The following MARVELD2 variants were observed in gnomAD, a reference collection of about 807,000 sequenced individuals.
The protein encoded by MARVELD2 is MARVEL domain containing 2.
MARVELD2 carries 49 observed loss-of-function variants against 57.6 expected under a neutral mutation model. The ratio of observed to expected loss-of-function variants is 0.85; its 90% CI spans 0.68 to 1.08. The LOEUF is 1.08. Among genes scored for constraint, MARVELD2 ranks in the 50% least tolerant of loss-of-function variants. The probability of loss-of-function intolerance (pLI) is 0.00; values close to 1 mark genes in which losing one functional copy is unlikely to be tolerated. For missense variants in MARVELD2, 606 were observed against 701.1 expected (o/e 0.86, Z 1.53); for synonymous variants, 238 against 258.8 (o/e 0.92, Z 0.77).
chr5:69,437,541 G>T (rs560988638), intron 5 of MARVELD2, among the ~76,000 whole-genome samples: 1 of 151,512 alleles, frequency 6.6e-6, no homozygotes, highest in Admixed American at 6.6e-5. Context: ...AAAATTAGCC[G>T]AGCATGGTGG....
intron 4 of MARVELD2, 24 bp from the exon 5 acceptor site, chr5:69,432,898 C>A: frequency 6.2e-7 from 1 of 1,613,966 alleles, no homozygotes; most frequent in Non-Finnish European, 8.5e-7. Flanking sequence ...ACAATTATAT[C>A]TTTGGCTTAT....
rs66984523 is a variant in MARVELD2 at position 69,436,402 on chromosome 5, A to AACACACACAC, written c.1503+3351_1503+3360dup. 5.0e-3 allele frequency among the ~76,000 whole-genome samples: 616 copies of AACACACACAC among 123,846 alleles called. 2 individuals carry two copies. Among genetic ancestry groups the AACACACACAC allele is most frequent in the Admixed American group, 0.011 (121 of 11,330 alleles). 81.2% of individuals were successfully genotyped at this position (123,846 alleles called of 152,430 possible). ...ACTAAATGTCAAATTTATGTATGGG[A>AACACACACAC]ACACACACACACACACACACACACA... On this transcript the variant is annotated intron_variant, in intron 5 of 6. Coordinates refer to ENST00000325631, the MANE Select transcript of MARVELD2 (RefSeq NM_001038603.3).
At chr5:69,422,334 CT>C (rs950806628) in intron 2 of MARVELD2, among the ~76,000 whole-genome samples, 2 of 152,162 alleles carry the variant, frequency 1.3e-5, no homozygotes, top group African/African-American at 4.8e-5. Flanking sequence ...AGAAATATCG[CT>C]GAATTCTTTT....
rs536740790 is a variant in MARVELD2, at chr5:69,444,291, C to A, written c.*2637C>A. On this transcript the variant is annotated 3_prime_UTR_variant, in exon 7 of 7. Transcript: ENST00000325631. ...GTGCATGTTCTTGAAAATATTTTCA[C>A]TTGTCAGAAAATAAACTGGAAAGTC... 7.2e-5 allele frequency: 11 copies of A among 152,054 alleles called. No homozygotes were observed. The highest frequency in any genetic ancestry group is 1.3e-4 in the Non-Finnish European group (9 of 67,998). The allele number at this position is 152,054 out of a possible 1,614,324, so 9.4% of individuals were successfully genotyped here. A position where few individuals can be genotyped will look rare whatever the true frequency, so the allele number is the denominator to read the frequency against.
chr5:69,437,671 G>A (rs1211595124), intron 5 of MARVELD2, among the ~76,000 whole-genome samples: 3 of 151,570 alleles, frequency 2.0e-5, no homozygotes, highest in Middle Eastern at 6.8e-3. Flanking sequence ...GTGACAGAGT[G>A]AGACTCTGTC....
At chr5:69,436,203 A>T (rs1234981676) in intron 5 of MARVELD2, among the ~76,000 whole-genome samples, 1 of 152,088 alleles carries the variant, frequency 6.6e-6, no homozygotes, top group Non-Finnish European at 1.5e-5. Flanking sequence ...CTTTGTAAAA[A>T]CTAAATGTCG....
intron 3 of MARVELD2, among the ~76,000 whole-genome samples, chr5:69,430,404 C>T (rs902586944): frequency 6.6e-6 from 1 of 151,976 alleles, no homozygotes. Flanking sequence ...TTTGTAGAGA[C>T]AGCATCTCCC....
rs1767350695 is a variant in MARVELD2 at position 69,442,299 on chromosome 5, G to A, written c.*645G>A. The A allele has an allele frequency of 6.6e-6, 1 of 152,110 alleles. No individual in the cohort carries two copies. The highest frequency in any genetic ancestry group is 1.5e-5 in the Non-Finnish European group (1 of 68,028). 9.4% of individuals were successfully genotyped at this position (152,110 alleles called of 1,614,324 possible). A position where few individuals can be genotyped will look rare whatever the true frequency, so the allele number is the denominator to read the frequency against. ...ATTTCTCTTCCTAGAGAAATTCCTA[G>A]GGGATTTCTAAAGGATTTTTCTAAG... On this transcript the variant is annotated 3_prime_UTR_variant, in exon 7 of 7. Coordinates refer to ENST00000325631, the MANE Select transcript of MARVELD2 (RefSeq NM_001038603.3).
intron 2 of MARVELD2, among the ~76,000 whole-genome samples, chr5:69,423,813 A>G (rs1054101999): frequency 6.6e-6 from 1 of 152,198 alleles, no homozygotes; most frequent in Non-Finnish European, 1.5e-5. Flanking sequence ...AACTCTACAT[A>G]GATTCAAGTT....
At chr5:69,439,768 C>T (rs1410056724) in intron 5 of MARVELD2, among the ~76,000 whole-genome samples, 2 of 150,940 alleles carry the variant, frequency 1.3e-5, no homozygotes, top group Admixed American at 6.6e-5. Context: ...AAAAAAAAAA[C>T]GCTGTAAATT....
In MARVELD2 at chr5:69,432,605, C is replaced by A. The variant is rs1243198013; in HGVS notation, c.1261C>A (p.Pro421Thr). 6.2e-7 allele frequency: 1 copy of A among 1,614,074 alleles called. No homozygotes were observed. The highest frequency in any genetic ancestry group is 1.7e-5 in the Admixed American group (1 of 59,996). Residue 421 changes from proline (P) to threonine (T), a missense_variant, in exon 4 of 7, where the codon CCT becomes ACT. Pro to Thr is a conservative substitution (Grantham distance 38, BLOSUM62 -1). Coordinates refer to ENST00000325631, the MANE Select transcript of MARVELD2 (RefSeq NM_001038603.3). ...GGAACTGAGAACAGCAAAAATGAAA[C>A]CTGAACTACTGAGTGGACACATCCC... ...FKELRTAKMK[P>T]ELLSGHIPPG...
chr5:69,422,132 G>A (rs919013031), intron 2 of MARVELD2, among the ~76,000 whole-genome samples: 6 of 151,968 alleles, frequency 3.9e-5, no homozygotes, highest in Admixed American at 1.3e-4. Context: ...CCTCAGGACC[G>A]TGTGATGATT....
intron 3 of MARVELD2, among the ~76,000 whole-genome samples, chr5:69,429,906 ATTTG>A (rs1333621280): frequency 3.9e-5 from 4 of 102,776 alleles, no homozygotes; most frequent in African/African-American, 1.0e-4. Context: ...TTATTTATTT[ATTTG>A]TTTGTTTGTT....
At chr5:69,422,983 C>T (rs900233501) in intron 2 of MARVELD2, among the ~76,000 whole-genome samples, 2 of 152,184 alleles carry the variant, frequency 1.3e-5, no homozygotes, top group Non-Finnish European at 2.9e-5. Flanking sequence ...CTATAACCTC[C>T]GCTTCCCAGG....
chr5:69,430,375 A>G (rs1019824064), intron 3 of MARVELD2, among the ~76,000 whole-genome samples: 3 of 151,910 alleles, frequency 2.0e-5, no homozygotes, highest in Admixed American at 1.3e-4. Flanking sequence ...TCAAGAAAAA[A>G]TATATTTTTT....
Position 69,438,817 on chromosome 5 carries a change from C to T in MARVELD2, c.1504-1633C>T, listed in dbSNP as rs527973946. 9.2e-5 allele frequency among the ~76,000 whole-genome samples: 14 copies of T among 151,492 alleles called. No individual in the cohort carries two copies. In the East Asian group the frequency reaches 1.2e-3, roughly 13 times the overall value. On this transcript the variant is annotated intron_variant, in intron 5 of 6. Coordinates refer to ENST00000325631, the MANE Select transcript of MARVELD2 (RefSeq NM_001038603.3). The stretch of plus-strand genomic sequence containing the variant: ...AGGAGAATCACTTGAACCTAGGAGG[C>T]GAAGGTTGCAGTGAGCCGAGATCGC...
chr5:69,438,023 G>A (rs1373007355), intron 5 of MARVELD2, among the ~76,000 whole-genome samples: 1 of 151,950 alleles, frequency 6.6e-6, no homozygotes, highest in East Asian at 1.9e-4. Context: ...GCTTCTCCTT[G>A]GCCACAGGCT....
chr5:69,437,953 T>C (rs1353866058), intron 5 of MARVELD2, among the ~76,000 whole-genome samples: 1 of 152,184 alleles, frequency 6.6e-6, no homozygotes. Flanking sequence ...CGGTTATTAT[T>C]ATCAGTGTAT....
chr5:69,438,069 C>T (rs990510111), intron 5 of MARVELD2, among the ~76,000 whole-genome samples: 1 of 152,154 alleles, frequency 6.6e-6, no homozygotes, highest in Admixed American at 6.6e-5. Context: ...CAGGCTCATT[C>T]GTTTTCCCAC....
Sources: allele counts gnomAD v4.1 joint callset (sites outside exome capture counted in the v4.1 genomes callset), GRCh38; gene constraint gnomAD v4.1.1; transcripts MANE v1.5; gene names NCBI Gene and HGNC (gene_info 2026-07-23, HGNC 2026-07-21).